DCT: variants seen among roughly 807,000 people sequenced by gnomAD.
The protein encoded by DCT is dopachrome tautomerase, also known as L-dopachrome tautomerase.
Under a neutral mutation model 53.0 loss-of-function variants are expected in DCT, and 47 were observed. The ratio of observed to expected loss-of-function variants is 0.89; its 90% CI spans 0.70 to 1.13. The LOEUF (loss-of-function observed/expected upper bound fraction) is 1.13, where lower values mean the gene tolerates loss of function less well. Among genes scored for constraint, DCT ranks in the 50% most tolerant of loss-of-function variants. DCT has a pLI of 0.00. For synonymous variants in DCT, 244 were observed against 237.0 expected (o/e 1.03, Z -0.27); for missense variants, 669 against 637.4 (o/e 1.05, Z -0.53).
rs936799152 is a variant in DCT, at chr13:94,443,274, C to T, written c.1381+162G>A. On this transcript the variant is annotated intron_variant, in intron 7 of 7. Transcript: ENST00000377028. ...ATGTTTAATTGGTAGTTTAAAGGCT[C>T]ATTTTGCTAAATACGTATATGCTAG... Among the ~76,000 whole-genome samples the T allele has an allele frequency of 2.0e-5, 3 of 152,138 alleles. No homozygotes were observed. In the East Asian group the frequency reaches 5.8e-4, roughly 29 times the overall value.
At chr13:94,472,562 ATATATATTTT>A (rs1884798591) in intron 1 of DCT, among the ~76,000 whole-genome samples, 9 of 19,072 alleles carry the variant, frequency 4.7e-4, no homozygotes, top group East Asian at 1.4e-3. Flanking sequence ...ATATATATAT[ATATATATTTT>A]TTTTTTTTTT....
At chr13:94,444,691 G>A (rs891457119) in intron 6 of DCT, among the ~76,000 whole-genome samples, 1 of 152,122 alleles carries the variant, frequency 6.6e-6, no homozygotes, top group Admixed American at 6.5e-5. Context: ...ATTCCCCCTG[G>A]ATCCCCAGAG....
intron 6 of DCT, among the ~76,000 whole-genome samples, chr13:94,445,326 T>C (rs778539282): frequency 1.3e-5 from 2 of 152,136 alleles, no homozygotes; most frequent in Non-Finnish European, 2.9e-5. Flanking sequence ...AATCATAAAG[T>C]GTATTGCAGT....
At chr13:94,490,688 TAGAAA>T in the DCT span, among the ~76,000 whole-genome samples, 8,900 of 151,992 alleles carry the variant, frequency 0.059, 298 homozygotes, top group Non-Finnish European at 0.075. Context: ...ACTTTCATAA[TAGAAA>T]AGATATATGT....
At chr13:94,455,423 C>A (rs1594289959) in intron 6 of DCT, among the ~76,000 whole-genome samples, 1 of 125,668 alleles carries the variant, frequency 8.0e-6, no homozygotes, top group Non-Finnish European at 1.7e-5. Flanking sequence ...TTCCTACTAT[C>A]CTTACTACAA....
intron 4 of DCT, among the ~76,000 whole-genome samples, chr13:94,464,660 AC>A (rs200358510): frequency 6.0e-5 from 9 of 149,048 alleles, no homozygotes; most frequent in African/African-American, 9.7e-5. Flanking sequence ...AAAACAAAAA[AC>A]AAAAAACAAA....
intron 6 of DCT, chr13:94,452,495 G>C: frequency 1.6e-6 from 1 of 637,366 alleles, no homozygotes; most frequent in South Asian, 1.9e-5. Flanking sequence ...GTGACACACA[G>C]GTATTAGGAG....
chr13:94,510,232 C>T, the DCT span, among the ~76,000 whole-genome samples: 3 of 152,246 alleles, frequency 2.0e-5, no homozygotes, highest in African/African-American at 7.2e-5. Flanking sequence ...AGTCCTAAGG[C>T]CCAGGTCCCA....
At position 94,438,736 on chromosome 13, in the gene DCT, A is replaced by T. The variant is rs530579147; in HGVS notation, c.*1162T>A. 3.1e-5 allele frequency: 14 copies of T among 446,872 alleles called. No individual in the cohort carries two copies. Among genetic ancestry groups the T allele is most frequent in the South Asian group, 2.1e-4 (13 of 62,188 alleles). 27.7% of individuals were successfully genotyped at this position (446,872 alleles called of 1,614,324 possible). A position where few individuals can be genotyped will look rare whatever the true frequency, so the allele number is the denominator to read the frequency against. ...GATTGTCTCATTCTTATTCCTCATG[A>T]TCTGATGATTGCATAGCAGAATATA... On this transcript the variant is annotated 3_prime_UTR_variant, in exon 8 of 8. Coordinates refer to ENST00000377028, the MANE Select transcript of DCT (RefSeq NM_001922.5).
the DCT span, among the ~76,000 whole-genome samples, chr13:94,547,296 T>C: frequency 1.3e-5 from 2 of 151,970 alleles, no homozygotes; most frequent in South Asian, 4.2e-4. Flanking sequence ...TTTGTATTTT[T>C]AGTAGAGATG....
chr13:94,522,579 G>A, the DCT span, among the ~76,000 whole-genome samples: 3 of 152,180 alleles, frequency 2.0e-5, no homozygotes, highest in Non-Finnish European at 2.9e-5. Context: ...CTTAATCATT[G>A]CTATTATTTT....
the DCT span, among the ~76,000 whole-genome samples, chr13:94,493,776 T>A: frequency 2.6e-5 from 4 of 151,854 alleles, no homozygotes; most frequent in Admixed American, 2.0e-4. Flanking sequence ...ATGCAGCGGG[T>A]TTTTAGGGCA....
intron 6 of DCT, among the ~76,000 whole-genome samples, chr13:94,448,690 G>A (rs956974051): frequency 6.6e-6 from 1 of 152,066 alleles, no homozygotes; most frequent in African/African-American, 2.4e-5. Flanking sequence ...ATCACCCGAG[G>A]TCAGGAGTTC....
the DCT span, among the ~76,000 whole-genome samples, chr13:94,510,490 G>A: frequency 6.6e-6 from 1 of 152,210 alleles, no homozygotes; most frequent in Non-Finnish European, 1.5e-5. Flanking sequence ...AGAAAAGCAT[G>A]TGAAGTGACT....
the DCT span, among the ~76,000 whole-genome samples, chr13:94,517,726 C>T: frequency 4.6e-5 from 7 of 152,192 alleles, no homozygotes; most frequent in South Asian, 2.1e-4. Flanking sequence ...AGATTTAACA[C>T]GGACAGAAGA....
the DCT span, among the ~76,000 whole-genome samples, chr13:94,506,769 G>A: frequency 6.6e-6 from 1 of 152,068 alleles, no homozygotes; most frequent in Non-Finnish European, 1.5e-5. Flanking sequence ...AAATCTGTAG[G>A]ATACCGCCTT....
the DCT span, among the ~76,000 whole-genome samples, chr13:94,493,926 C>T: frequency 6.6e-6 from 1 of 152,330 alleles, no homozygotes; most frequent in South Asian, 2.1e-4. Flanking sequence ...ACAGTGGAAA[C>T]AGTGGGGCAG....
chr13:94,525,008 A>G, the DCT span, among the ~76,000 whole-genome samples: 2 of 152,202 alleles, frequency 1.3e-5, no homozygotes, highest in Admixed American at 6.5e-5. Context: ...GGAAACCACC[A>G]AAAGCTAGGG....
At chr13:94,459,870 A>G (rs1014986768) in intron 6 of DCT, among the ~76,000 whole-genome samples, 4 of 152,212 alleles carry the variant, frequency 2.6e-5, no homozygotes, top group Admixed American at 6.5e-5. Context: ...ACTCTTGTCT[A>G]AGATCACCCA....
Sources: allele counts gnomAD v4.1 joint callset (sites outside exome capture counted in the v4.1 genomes callset), GRCh38; gene constraint gnomAD v4.1.1; transcripts MANE v1.5; gene names NCBI Gene and HGNC (gene_info 2026-07-23, HGNC 2026-07-21).